BCAS3: variants seen among roughly 807,000 people sequenced by gnomAD.
BCAS3 encodes BCAS4/BCAS3 fusion.
Under a neutral mutation model 116.1 loss-of-function variants are expected in BCAS3, and 53 were observed. The observed-to-expected ratio is 0.46, with a 90% CI of 0.37 to 0.57. BCAS3 has a LOEUF of 0.57. Among genes scored for constraint, BCAS3 ranks in the 20% least tolerant of loss-of-function variants. The pLI is 0.00. For missense variants in BCAS3, 917 were observed against 1,165.4 expected (o/e 0.79, Z 3.10); for synonymous variants, 391 against 408.2 (o/e 0.96, Z 0.51).
intron 22 of BCAS3, among the ~76,000 whole-genome samples, chr17:61,129,733 T>C (rs1470065196): frequency 1.3e-5 from 2 of 152,218 alleles, no homozygotes; most frequent in East Asian, 3.8e-4. Context: ...TCAGAACCAT[T>C]GTTTGACACC....
At position 61,098,967 on chromosome 17, in the gene BCAS3, A is replaced by G. The variant is rs1402706615; in HGVS notation, c.2425+14403A>G. ...GTGAAACCCCATCTCTACTAAAAAT[A>G]CGAAAAATTAGCCGGGCATGGTGGC... On this transcript the variant is annotated intron_variant, in intron 22 of 23. Coordinates refer to ENST00000407086, the MANE Select transcript of BCAS3 (RefSeq NM_017679.5). The surrounding 1 kb of genome is among the most constrained non-coding windows in gnomAD (Gnocchi z 4.2). Among the ~76,000 whole-genome samples the G allele has an allele frequency of 6.6e-6, 1 of 152,078 alleles. No individual in the cohort carries two copies. Among genetic ancestry groups the G allele is most frequent in the African/African-American group, 2.4e-5 (1 of 41,410 alleles).
chr17:61,049,924 G>A (rs1040231764), intron 19 of BCAS3, among the ~76,000 whole-genome samples: 10 of 151,672 alleles, frequency 6.6e-5, no homozygotes, highest in African/African-American at 2.4e-4. Flanking sequence ...AGTAGAGACG[G>A]GGTTTTTCCA....
intron 13 of BCAS3, among the ~76,000 whole-genome samples, chr17:60,931,711 T>A (rs141893291): frequency 6.6e-5 from 10 of 152,288 alleles, no homozygotes; most frequent in African/African-American, 2.4e-4. Context: ...GGCAAGCTAG[T>A]TAATCTGCTT....
chr17:61,011,023 C>G (rs1187427134), intron 15 of BCAS3, among the ~76,000 whole-genome samples: 1 of 151,952 alleles, frequency 6.6e-6, no homozygotes, highest in African/African-American at 2.4e-5. Context: ...CAGGTCTCCT[C>G]TTAGCTGGAA....
chr17:61,173,900 C>T (rs552808309), intron 22 of BCAS3, among the ~76,000 whole-genome samples: 7 of 152,024 alleles, frequency 4.6e-5, no homozygotes, highest in South Asian at 2.1e-4. Context: ...AACCCAAAAA[C>T]GATAATACAG....
chr17:60,768,948 C>T (rs2044378545), intron 6 of BCAS3, among the ~76,000 whole-genome samples: 1 of 152,274 alleles, frequency 6.6e-6, no homozygotes, highest in South Asian at 2.1e-4. Flanking sequence ...TGCACTGGAA[C>T]CCAAGTGATT....
Position 61,034,919 on chromosome 17 carries a change from C to T in BCAS3, c.1762+129C>T. The T allele has an allele frequency of 1.3e-6, 1 of 796,964 alleles. No homozygotes were observed. The highest frequency in any genetic ancestry group is 2.0e-6 in the Non-Finnish European group (1 of 512,660). The allele number at this position is 796,964 out of a possible 1,614,324, so 49.4% of individuals were successfully genotyped here. A position where few individuals can be genotyped will look rare whatever the true frequency, so the allele number is the denominator to read the frequency against. On this transcript the variant is annotated intron_variant, in intron 17 of 23. Transcript: ENST00000407086. The surrounding 1 kb of genome is among the most constrained non-coding windows in gnomAD (Gnocchi z 5.0). ...AAACCAATTTTTTTAATGTAATTAG[C>T]ATGTCACTTCTCAACTACTCAAGCC... is the stretch of plus-strand genomic sequence containing the variant.
Position 60,868,831 on chromosome 17 carries a change from C to G in BCAS3, c.584+148C>G, listed in dbSNP as rs8066880. 72,195 of 485,194 alleles carry G rather than the reference C, an allele frequency of 0.15. 6,803 individuals carry two copies. The highest frequency in any genetic ancestry group is 0.32 in the African/African-American group (15,833 of 49,246). The allele number at this position is 485,194 out of a possible 1,614,324, so 30.1% of individuals were successfully genotyped here. ...CTGAATTCTGTTCAGTGGAATAACT[C>G]TAAGATTTCTTGATGAATATATTCA... On this transcript the variant is annotated intron_variant, in intron 8 of 23. Transcript: ENST00000407086.
chr17:60,944,954 T>TCAGCAAATGCAAGCTTA (rs2060408705), intron 13 of BCAS3, among the ~76,000 whole-genome samples: 1 of 152,138 alleles, frequency 6.6e-6, no homozygotes, highest in Non-Finnish European at 1.5e-5. Flanking sequence ...TCTGCTTGCC[T>TCAGCAAATGCAAGCTTA]CAGCAAATGC....
rs1258423860 is a variant in BCAS3 at position 61,199,621 on chromosome 17, C to A, written c.2425+115057C>A. The stretch of plus-strand genomic sequence containing the variant: ...GAACAAGTTATTCAAGAAATACTTG[C>A]AAGGTGGACAATGTTAACTTTGAAC... On this transcript the variant is annotated intron_variant, in intron 22 of 23. Transcript: ENST00000407086. This position sits in a 1 kb window ranked among gnomAD's most constrained non-coding sequence, Gnocchi z 4.6. 6.6e-6 allele frequency among the ~76,000 whole-genome samples: 1 copy of A among 152,154 alleles called. No individual in the cohort carries two copies. Among genetic ancestry groups the A allele is most frequent in the Non-Finnish European group, 1.5e-5 (1 of 68,032 alleles).
At chr17:60,784,970 G>A (rs1214720435) in intron 6 of BCAS3, among the ~76,000 whole-genome samples, 4 of 151,816 alleles carry the variant, frequency 2.6e-5, no homozygotes, top group Admixed American at 2.0e-4. Context: ...GGTGGCAGGC[G>A]CCTGTAATCC....
chr17:61,185,209 T>C (rs1295368528), intron 22 of BCAS3, among the ~76,000 whole-genome samples: 1 of 152,092 alleles, frequency 6.6e-6, no homozygotes, highest in African/African-American at 2.4e-5. Flanking sequence ...AAGACTTTGT[T>C]ACCAGGGACA....
At position 61,188,375 on chromosome 17, in the gene BCAS3, G is replaced by A. The variant is rs1402441356; in HGVS notation, c.2425+103811G>A. 6.6e-6 allele frequency among the ~76,000 whole-genome samples: 1 copy of A among 152,174 alleles called. No homozygotes were observed. The highest frequency in any genetic ancestry group is 1.5e-5 in the Non-Finnish European group (1 of 68,028). On this transcript the variant is annotated intron_variant, in intron 22 of 23. Transcript: ENST00000407086. This position sits in a 1 kb window ranked among gnomAD's most constrained non-coding sequence, Gnocchi z 4.0. ...TGTAAAGAGAGTGCTTGTATAATAA[G>A]AAGTGTGTTCTCCATGGAATTTTTC... is the stretch of plus-strand genomic sequence containing the variant.
rs965073493 is a variant in BCAS3 at position 60,725,501 on chromosome 17, G to A, written c.321+16176G>A. ...TAAGATGTGAGCATTGTCTTGAGGC[G>A]ATAATTTCCTACTTGGGGGAAAGGT... On this transcript the variant is annotated intron_variant, in intron 5 of 23. Transcript: ENST00000407086. Among the ~76,000 whole-genome samples the A allele has an allele frequency of 3.3e-5, 5 of 152,286 alleles. No individual in the cohort carries two copies. In the South Asian group the frequency reaches 1.0e-3, roughly 32 times the overall value.
At chr17:61,274,281 A>ATTTTT (rs780529516) in intron 22 of BCAS3, among the ~76,000 whole-genome samples, 6 of 96,232 alleles carry the variant, frequency 6.2e-5, no homozygotes, top group Non-Finnish European at 1.0e-4. Flanking sequence ...AAATCTTTGA[A>ATTTTT]TTTTTTTTTT....
chr17:61,000,006 T>G (rs1445045098), intron 15 of BCAS3, among the ~76,000 whole-genome samples: 1 of 152,232 alleles, frequency 6.6e-6, no homozygotes, highest in East Asian at 1.9e-4. Flanking sequence ...TCCTGAAACT[T>G]TACTGAAGTA....
intron 4 of BCAS3, among the ~76,000 whole-genome samples, chr17:60,694,694 G>A (rs2035348056): frequency 6.6e-6 from 1 of 151,208 alleles, no homozygotes; most frequent in Non-Finnish European, 1.5e-5. Context: ...GTGTTGCCCA[G>A]GCTGATCTTA....
intron 22 of BCAS3, among the ~76,000 whole-genome samples, chr17:61,154,016 C>T (rs1284928514): frequency 1.3e-5 from 2 of 152,210 alleles, no homozygotes; most frequent in African/African-American, 4.8e-5. Flanking sequence ...GAGAAAACAA[C>T]AATCCATTGG....
intron 22 of BCAS3, among the ~76,000 whole-genome samples, chr17:61,123,699 A>G (rs2075910677): frequency 6.6e-6 from 1 of 152,064 alleles, no homozygotes; most frequent in Non-Finnish European, 1.5e-5. Context: ...GCCTCTGTAA[A>G]GTGATCCGTA....
Sources: allele counts gnomAD v4.1 joint callset (sites outside exome capture counted in the v4.1 genomes callset), GRCh38; gene constraint gnomAD v4.1.1; non-coding constraint Gnocchi (gnomAD v3.1); transcripts MANE v1.5; gene names NCBI Gene and HGNC (gene_info 2026-07-23, HGNC 2026-07-21).